The following KIF23 variants were observed in gnomAD, a reference collection of about 807,000 sequenced individuals.
KIF23 encodes kinesin family member 23.
KIF23 carries 30 observed loss-of-function variants against 137.5 expected under a neutral mutation model. The observed-to-expected ratio is 0.22, with a 90% CI of 0.16 to 0.30. The LOEUF (loss-of-function observed/expected upper bound fraction) is 0.30, where lower values mean the gene tolerates loss of function less well. Ranked by LOEUF, KIF23 falls within the 10% of genes least tolerant of loss-of-function variation. KIF23 has a pLI of 1.00. For missense variants in KIF23, 920 were observed against 1,194.3 expected (o/e 0.77, Z 3.38); for synonymous variants, 367 against 391.1 (o/e 0.94, Z 0.73).
intron 13 of KIF23, 23 bp downstream of exon 13, chr15:69,435,794 A>C: frequency 6.2e-7 from 1 of 1,602,904 alleles, no homozygotes; most frequent in Non-Finnish European, 8.5e-7. Context: ...TATTTGTCCT[A>C]TAAAGTCTTG....
intron 2 of KIF23, 111 bp downstream of exon 2, chr15:69,416,174 A>G: frequency 1.6e-6 from 1 of 626,662 alleles, no homozygotes; most frequent in Middle Eastern, 2.6e-4. Flanking sequence ...TGGAAGTATA[A>G]TCAAAGAACA....
Position 69,421,667 on chromosome 15 carries a change from A to C in KIF23, c.231A>C (p.Gln77His), listed in dbSNP as rs779781459. ...CACAGACTCAGTATTCATTTAAACA[A>C]GTATTTGGCACTCACACCACCCAGA... ...DYKETQYSFK[Q>H]VFGTHTTQKE... The change falls in exon 4 of 24, where the codon CAA (glutamine) becomes CAC (histidine). Residue 77 changes from glutamine (Q) to histidine (H), a missense_variant. Physicochemically the swap from Gln to His is conservative, Grantham distance 24. Around this residue, in one of 4 missense-constraint regions of KIF23, gnomAD observed 124 missense variants for 122.0 expected, o/e 1.02. Coordinates refer to ENST00000679126, the MANE Select transcript of KIF23 (RefSeq NM_001367805.3). The C allele has an allele frequency of 1.2e-6, 2 of 1,612,246 alleles. No homozygotes were observed. Among genetic ancestry groups the C allele is most frequent in the Middle Eastern group, 1.7e-4 (1 of 6,060 alleles).
chr15:69,416,908 CATTG>C (rs1567055051), intron 2 of KIF23, among the ~76,000 whole-genome samples: 1 of 152,054 alleles, frequency 6.6e-6, no homozygotes, highest in East Asian at 1.9e-4. Context: ...GAGATCATGC[CATTG>C]CACTCCAGCC....
chr15:69,440,651 T>C (rs1596019328), intron 18 of KIF23, 117 bp from the exon 19 acceptor site: 2 of 1,124,698 alleles, frequency 1.8e-6, no homozygotes, highest in African/African-American at 1.6e-5. Flanking sequence ...CACAAAAAAA[T>C]AGAACAAATA....
In KIF23 at chr15:69,440,753, C is replaced by T. The variant is rs934587916; in HGVS notation, c.2110-15C>T. 1.9e-6 allele frequency: 3 copies of T among 1,571,542 alleles called. No homozygotes were observed. The highest frequency in any genetic ancestry group is 1.7e-6 in the Non-Finnish European group (2 of 1,163,610). On this transcript the variant is annotated splice_polypyrimidine_tract_variant and intron_variant, in intron 18 of 23. Coordinates refer to ENST00000679126, the MANE Select transcript of KIF23 (RefSeq NM_001367805.3). ...TTTTCAGTCTTGCTCATTAATTTTT[C>T]TCCAATTTTTCTAGCTTTCTAGTAA...
chr15:69,421,464 T>G (rs2057054340), intron 3 of KIF23, among the ~76,000 whole-genome samples, 183 bp from the exon 4 acceptor site: 1 of 152,210 alleles, frequency 6.6e-6, no homozygotes. Context: ...TGGTATGATA[T>G]AGGTATGTCA....
intron 11 of KIF23, chr15:69,434,799 T>G: frequency 9.8e-7 from 1 of 1,023,500 alleles, no homozygotes; most frequent in East Asian, 2.5e-5. Context: ...CAGCCCCTTC[T>G]TCTTGCACTC....
At chr15:69,435,349 T>C (rs1350296166) in intron 11 of KIF23, 134 bp from the exon 12 acceptor site, 1 of 673,524 alleles carries the variant, frequency 1.5e-6, no homozygotes, top group Non-Finnish European at 2.5e-6. Flanking sequence ...CTCTTTATAT[T>C]GAGCCACAAA....
chr15:69,441,161 T>C, intron 19 of KIF23, 82 bp downstream of exon 19: 1 of 1,255,082 alleles, frequency 8.0e-7, no homozygotes. Context: ...TGAAAGTTCA[T>C]TGGAAAAATG....
chr15:69,421,524 T>C, intron 3 of KIF23, 123 bp from the exon 4 acceptor site: 1 of 620,606 alleles, frequency 1.6e-6, no homozygotes, highest in Non-Finnish European at 2.9e-6. Flanking sequence ...AAAAAGACCA[T>C]TTATATTTTT....
rs764081878 is a variant in KIF23, at chr15:69,426,438, A to G, written c.992A>G (p.Asp331Gly). The change falls in exon 10 of 24, where the codon GAT becomes GGT. Residue 331 changes from aspartate to glycine, a missense_variant. By Grantham distance (94) the Asp-to-Gly change is moderately conservative (BLOSUM62 -1). Transcript: ENST00000679126. ...TTAGTTCAGGCTCCCTTGGATGCAG[A>G]TGGAGACAATGTCTTACAGGTAAAG... Reference protein sequence around the residue: ...IKLVQAPLDADGDNVLQEKEQ... With the variant: ...IKLVQAPLDAGGDNVLQEKEQ... 6.8e-6 allele frequency: 11 copies of G among 1,614,050 alleles called. No individual in the cohort carries two copies. Among genetic ancestry groups the G allele is most frequent in the Non-Finnish European group, 8.5e-6 (10 of 1,180,006 alleles).
intron 10 of KIF23, among the ~76,000 whole-genome samples, chr15:69,428,427 C>T (rs946990118): frequency 2.6e-5 from 4 of 151,520 alleles, no homozygotes; most frequent in Admixed American, 6.6e-5. Flanking sequence ...GAGGCTGAGG[C>T]GGGCGGATCA....
chr15:69,431,630 A>C (rs1402417187), intron 11 of KIF23, among the ~76,000 whole-genome samples: 1 of 152,170 alleles, frequency 6.6e-6, no homozygotes. Flanking sequence ...AAAAAAAAGA[A>C]ATGATTGAAG....
intron 19 of KIF23, among the ~76,000 whole-genome samples, chr15:69,442,685 T>C (rs1213132611): frequency 6.6e-6 from 1 of 152,242 alleles, no homozygotes; most frequent in Non-Finnish European, 1.5e-5. Context: ...TCAGTCATTT[T>C]ATGAAAGTTT....
chr15:69,414,503 G>C lies in KIF23; in HGVS notation c.11+27G>C, dbSNP rs1470809609. The C allele has an allele frequency of 3.2e-6, 5 of 1,564,358 alleles. No homozygotes were observed. In the South Asian group the frequency reaches 5.9e-5, roughly 18 times the overall value. The stretch of plus-strand genomic sequence containing the variant: ...TGAGTACGAGGCCGCCGAGCAGGGA[G>C]AGAGGGCGGACGGGGGCCGAGGCCT... On this transcript the variant is annotated intron_variant, in intron 1 of 23. Transcript: ENST00000679126.
chr15:69,438,178 C>A, intron 15 of KIF23, 70 bp from the exon 16 acceptor site: 1 of 1,348,772 alleles, frequency 7.4e-7, no homozygotes, highest in Non-Finnish European at 1.0e-6. Flanking sequence ...CTAGTGTCTG[C>A]TAGCAAAAGT....
At chr15:69,425,362 T>C (rs1486517836) in intron 8 of KIF23, 39 bp downstream of exon 8, 32 of 1,507,252 alleles carry the variant, frequency 2.1e-5, no homozygotes, top group Non-Finnish European at 2.9e-5. Flanking sequence ...AGGAGAAGGG[T>C]GCAGTTATAC....
At chr15:69,437,373 A>T (rs1329491622) in intron 15 of KIF23, among the ~76,000 whole-genome samples, 1 of 152,092 alleles carries the variant, frequency 6.6e-6, no homozygotes, top group Non-Finnish European at 1.5e-5. Flanking sequence ...TGTTGTGAAG[A>T]TAAATAAGAT....
At chr15:69,434,983 G>A (rs966356228) in intron 11 of KIF23, 3 of 627,118 alleles carry the variant, frequency 4.8e-6, no homozygotes, top group Non-Finnish European at 8.4e-6. Context: ...GCCGTGGACA[G>A]CTTCAGAAAC....
Sources: allele counts gnomAD v4.1 joint callset (sites outside exome capture counted in the v4.1 genomes callset), GRCh38; gene constraint gnomAD v4.1.1; regional missense constraint gnomAD v4.1.1; transcripts MANE v1.5; gene names NCBI Gene and HGNC (gene_info 2026-07-23, HGNC 2026-07-21).